Variants in VCAN observed in about 807,000 individuals in gnomAD.
The protein encoded by VCAN is versican core protein.
VCAN carries 44 observed loss-of-function variants against 245.5 expected under a neutral mutation model. The observed-to-expected ratio is 0.18, with a 90% CI of 0.14 to 0.23. VCAN has a LOEUF of 0.23. VCAN is among the 10% of genes least tolerant of loss of function. The pLI is 1.00. For synonymous variants in VCAN, 1,413 were observed against 1,437.0 expected (o/e 0.98, Z 0.38); for missense variants, 3,793 against 4,057.9 (o/e 0.93, Z 1.77).
intron 8 of VCAN, among the ~76,000 whole-genome samples, chr5:83,543,557 A>G (rs188357922): frequency 6.6e-6 from 1 of 152,336 alleles, no homozygotes; most frequent in East Asian, 1.9e-4. Context: ...AAAATTGATC[A>G]AAGGTAGTTG....
chr5:83,498,389 G>A (rs1307737302), intron 5 of VCAN, among the ~76,000 whole-genome samples: 5 of 152,134 alleles, frequency 3.3e-5, no homozygotes, highest in African/African-American at 9.7e-5. Flanking sequence ...TATAGTAGGT[G>A]CTCCATAGGT....
rs781404661 is a variant in VCAN, at chr5:83,522,084, C to G, written c.3778C>G (p.Pro1260Ala). 6 of 1,614,192 alleles carry G rather than the reference C, an allele frequency of 3.7e-6. No homozygotes were observed. The Admixed American group carries it at 5.0e-5, about 13-fold the overall frequency. ...TGGAGAATCAACATCTCATGTTCCT[C>G]CCACTACCCTTGAAGATATTGTAGC... ...IIGESTSHVP[P>A]TTLEDIVAKE... The change falls in exon 7 of 15, where the codon CCC becomes GCC. Residue 1260 changes from proline (P) to alanine (A), a missense_variant. Pro to Ala is a conservative substitution (Grantham distance 27, BLOSUM62 -1). Coordinates refer to ENST00000265077, the MANE Select transcript of VCAN (RefSeq NM_004385.5).
At chr5:83,485,074 A>C (rs534159456) in intron 2 of VCAN, among the ~76,000 whole-genome samples, 2 of 152,326 alleles carry the variant, frequency 1.3e-5, no homozygotes, top group East Asian at 3.9e-4. Flanking sequence ...GAACTGTTTT[A>C]AGTGCTTAAC....
chr5:83,478,363 G>T (rs180675383), intron 1 of VCAN, among the ~76,000 whole-genome samples: 1 of 152,082 alleles, frequency 6.6e-6, no homozygotes, highest in Non-Finnish European at 1.5e-5. Flanking sequence ...AAATAATTTG[G>T]CAATCACTTT....
intron 6 of VCAN, among the ~76,000 whole-genome samples, chr5:83,518,389 T>A (rs1387642287): frequency 6.6e-6 from 1 of 152,228 alleles, no homozygotes; most frequent in Non-Finnish European, 1.5e-5. Context: ...GCCATTATAA[T>A]GCAGCATTTT....
intron 5 of VCAN, among the ~76,000 whole-genome samples, chr5:83,495,373 T>G (rs1253710281): frequency 6.6e-6 from 1 of 152,224 alleles, no homozygotes; most frequent in Non-Finnish European, 1.5e-5. Context: ...TTCTCTAGTA[T>G]CTTAGCATTC....
Position 83,540,152 on chromosome 5 carries a change from C to T in VCAN, c.7149C>T (p.Asn2383=). The change falls in exon 8 of 15, where the codon AAC becomes AAT. Residue 2383 remains asparagine (N), a synonymous_variant. Coordinates refer to ENST00000265077, the MANE Select transcript of VCAN (RefSeq NM_004385.5). ...AAACCATAACTGAACAAGACTCTAA[C>T]AAGAATTCTTCAACAGCAGAAATTA... The part of the protein sequence containing the change: ...RPQTITEQDS[N]KNSSTAEINE... The T allele has an allele frequency of 6.2e-7, 1 of 1,613,994 alleles. No homozygotes were observed. Among genetic ancestry groups the T allele is most frequent in the Non-Finnish European group, 8.5e-7 (1 of 1,179,988 alleles).
chr5:83,510,739 T>C (rs1745626368), intron 5 of VCAN, among the ~76,000 whole-genome samples: 1 of 152,264 alleles, frequency 6.6e-6, no homozygotes, highest in South Asian at 2.1e-4. Context: ...CCAGAATCTT[T>C]CATTGTAACA....
intron 13 of VCAN, among the ~76,000 whole-genome samples, chr5:83,578,393 A>T (rs189095804): frequency 5.3e-5 from 8 of 152,138 alleles, no homozygotes; most frequent in Non-Finnish European, 7.4e-5. Flanking sequence ...TAGGCTTAGT[A>T]CCTGGGTGAC....
At chr5:83,497,757 G>A (rs1745205384) in intron 5 of VCAN, among the ~76,000 whole-genome samples, 1 of 152,098 alleles carries the variant, frequency 6.6e-6, no homozygotes, top group Non-Finnish European at 1.5e-5. Context: ...ATGATTAAAT[G>A]GCTCAAGAAA....
rs757235497 is a variant in VCAN at position 83,539,521 on chromosome 5, A to C, written c.6518A>C (p.Glu2173Ala). 6 of 1,613,878 alleles carry C rather than the reference A, an allele frequency of 3.7e-6. No homozygotes were observed. Among genetic ancestry groups the C allele is most frequent in the Non-Finnish European group, 5.1e-6 (6 of 1,179,982 alleles). The change falls in exon 8 of 15, where the codon GAA (glutamate) becomes GCA (alanine). Residue 2173 changes from glutamate (E) to alanine (A), a missense_variant. Around this residue, in one of 5 missense-constraint regions of VCAN, gnomAD observed 3,182 missense variants for 3,250.3 expected, o/e 0.98. Transcript: ENST00000265077. ...AGTGATGATAAAGAAATGAAGGAGG[A>C]AGACACTTCTTTAGTTAACATGTCT... ...TYSDDKEMKE[E>A]DTSLVNMSTP...
chr5:83,477,334 AG>A (rs1744425933), intron 1 of VCAN, among the ~76,000 whole-genome samples: 1 of 152,174 alleles, frequency 6.6e-6, no homozygotes, highest in South Asian at 2.1e-4. Context: ...AAAATTGTTT[AG>A]TTTCATTAAT....
rs1390828833 is a variant in VCAN, at chr5:83,512,258, G to A, written c.904G>A (p.Ala302Thr). The change falls in exon 6 of 15, where the codon GCC (alanine) becomes ACC (threonine). Residue 302 changes from alanine to threonine, a missense_variant. Physicochemically the swap from Ala to Thr is moderately conservative, Grantham distance 58. This residue lies in a region of VCAN where 190 missense variants were observed against 288.6 expected (regional missense o/e 0.66). Transcript: ENST00000265077. ...GTGCGATTACGGGTGGCTGTCGGAT[G>A]CCAGCGTGCGCCACCCTGTGACTGT... Reference protein sequence around the residue: ...DQCDYGWLSDASVRHPVTVAR... With the variant: ...DQCDYGWLSDTSVRHPVTVAR... The A allele has an allele frequency of 1.9e-6, 3 of 1,614,186 alleles. No individual in the cohort carries two copies. Among genetic ancestry groups the A allele is most frequent in the African/African-American group, 1.3e-5 (1 of 75,052 alleles).
chr5:83,537,130 C>G lies in VCAN; in HGVS notation c.4127C>G (p.Pro1376Arg), dbSNP rs1746745482. The part of the protein sequence containing the change: ...DLMAEILPEF[P>R]DIIEIDLYHS... ...ATGGCTGAAATTTTACCTGAATTCCCTGACATAATTGAAATAGACCTATAC... is the reference window on the plus strand; with the variant it reads ...ATGGCTGAAATTTTACCTGAATTCCGTGACATAATTGAAATAGACCTATAC... Residue 1376 changes from proline to arginine, a missense_variant, in exon 8 of 15, where the codon CCT (proline) becomes CGT (arginine). Coordinates refer to ENST00000265077, the MANE Select transcript of VCAN (RefSeq NM_004385.5). 1.2e-6 allele frequency: 2 copies of G among 1,613,766 alleles called. No homozygotes were observed. Among genetic ancestry groups the G allele is most frequent in the African/African-American group, 2.7e-5 (2 of 74,978 alleles).
intron 12 of VCAN, among the ~76,000 whole-genome samples, chr5:83,567,372 C>A (rs1043197964): frequency 3.9e-5 from 6 of 152,144 alleles, no homozygotes; most frequent in African/African-American, 1.4e-4. Context: ...GCGATCTTGG[C>A]TCACTGCAAC....
chr5:83,555,113 G>C (rs1389058870), intron 12 of VCAN, 75 bp downstream of exon 12: 11 of 1,473,084 alleles, frequency 7.5e-6, no homozygotes, highest in Non-Finnish European at 1.0e-5. Flanking sequence ...GTGCATTACA[G>C]AGGGTGCATT....
At chr5:83,516,708 T>G (rs1178028196) in intron 6 of VCAN, among the ~76,000 whole-genome samples, 1 of 152,262 alleles carries the variant, frequency 6.6e-6, no homozygotes, top group Non-Finnish European at 1.5e-5. Flanking sequence ...CTTCTCCATG[T>G]GAATGCACCT....
rs1241123825 is a variant in VCAN, at chr5:83,540,012, A to G, written c.7009A>G (p.Ser2337Gly). Residue 2337 changes from serine (S) to glycine (G), a missense_variant, in exon 8 of 15, where the codon AGT becomes GGT. By Grantham distance (56) the Ser-to-Gly change is moderately conservative. This residue lies in a region of VCAN where 3,182 missense variants were observed against 3,250.3 expected (regional missense o/e 0.98). Transcript: ENST00000265077. ...VTSTTLIEIL[S>G]DTGAEGPTVA... ...CAGCACAACATTAATAGAAATTTTA[A>G]GTGACACTGGAGCAGAAGGACCCAC... 6.2e-7 allele frequency: 1 copy of G among 1,614,104 alleles called. No individual in the cohort carries two copies.
chr5:83,500,415 C>T (rs1296826873), intron 5 of VCAN, among the ~76,000 whole-genome samples: 1 of 152,154 alleles, frequency 6.6e-6, no homozygotes, highest in Non-Finnish European at 1.5e-5. Context: ...TCAGGCACAG[C>T]ATGGTGGGAG....
Sources: gnomAD v4.1 joint callset for allele counts (sites outside exome capture counted in the v4.1 genomes callset) on GRCh38, gnomAD v4.1.1 for gene constraint, gnomAD v4.1.1 regional missense constraint, MANE v1.5 for transcripts, NCBI Gene and HGNC (gene_info 2026-07-23, HGNC 2026-07-21) for gene names.